Variants in SOX5 observed in about 807,000 individuals in gnomAD.
SOX5 encodes SRY-box transcription factor 5.
SOX5 carries 9 observed loss-of-function variants against 92.0 expected under a neutral mutation model. The ratio of observed to expected loss-of-function variants is 0.10; its 90% CI spans 0.06 to 0.17. SOX5 has a LOEUF of 0.17. Among genes scored for constraint, SOX5 ranks in the 10% least tolerant of loss-of-function variants. The pLI, the probability that SOX5 is intolerant of heterozygous loss-of-function variation, is 1.00. For missense variants in SOX5, 642 were observed against 944.5 expected (o/e 0.68, Z 4.20); for synonymous variants, 344 against 336.3 (o/e 1.02, Z -0.25).
At chr12:23,949,516 A>G in intron 1 of SOX5, 48 bp downstream of exon 1, 1 of 1,609,722 alleles carries the variant, frequency 6.2e-7, no homozygotes, top group Non-Finnish European at 8.5e-7. Flanking sequence ...CTACTGTAAA[A>G]TGGGAGAGTT....
chr12:24,236,215 T>TAAATA (rs571156443), intron 3 of SOX5, among the ~76,000 whole-genome samples: 97 of 151,706 alleles, frequency 6.4e-4, no homozygotes, highest in Non-Finnish European at 9.1e-4. Context: ...AATAAATAGA[T>TAAATA]AAATAAAATA....
intron 1 of SOX5, among the ~76,000 whole-genome samples, chr12:24,380,506 G>A (rs1393923177): frequency 6.6e-6 from 1 of 152,178 alleles, no homozygotes; most frequent in East Asian, 1.9e-4. Context: ...CTTGATGTGT[G>A]TGAAGAAGCA....
At chr12:23,684,366 T>C (rs2087155880) in intron 6 of SOX5, among the ~76,000 whole-genome samples, 1 of 152,038 alleles carries the variant, frequency 6.6e-6, no homozygotes, top group Non-Finnish European at 1.5e-5. Context: ...CCAGACTAGC[T>C]AGCTGCCTGG....
At chr12:24,499,046 G>C (rs758884940) in intron 1 of SOX5, among the ~76,000 whole-genome samples, 2 of 152,112 alleles carry the variant, frequency 1.3e-5, no homozygotes, top group Non-Finnish European at 2.9e-5. Context: ...AATCTACATG[G>C]GCTCATGCTC....
chr12:24,044,737 G>C (rs1172641248), intron 4 of SOX5, among the ~76,000 whole-genome samples: 1 of 152,160 alleles, frequency 6.6e-6, no homozygotes, highest in African/African-American at 2.4e-5. Context: ...AACCTAAAAT[G>C]CATCCCTGAT....
At position 23,755,489 on chromosome 12, in the gene SOX5, C is replaced by A; in HGVS notation, c.568+149G>T. Reference sequence around the variant, plus strand: ...AAAGAATATAAGAACCCTGCTACATCCTCCTTCAAGATAGAAAGAAGAAAC... The same window carrying A: ...AAAGAATATAAGAACCCTGCTACATACTCCTTCAAGATAGAAAGAAGAAAC... On this transcript the variant is annotated intron_variant, in intron 4 of 14. Transcript: ENST00000451604. 1.2e-5 allele frequency: 7 copies of A among 588,202 alleles called. 1 individual carries two copies. The South Asian group carries it at 1.5e-4, about 13-fold the overall frequency. The allele number at this position is 588,202 out of a possible 1,614,324, so 36.4% of individuals were successfully genotyped here.
intron 4 of SOX5, among the ~76,000 whole-genome samples, chr12:24,132,576 T>A (rs1057022166): frequency 1.3e-5 from 2 of 152,142 alleles, no homozygotes; most frequent in African/African-American, 4.8e-5. Flanking sequence ...AGAAATACAG[T>A]ATCCGTATAC....
intron 3 of SOX5, among the ~76,000 whole-genome samples, chr12:23,767,538 A>G (rs1022632015): frequency 6.6e-6 from 1 of 152,212 alleles, no homozygotes; most frequent in African/African-American, 2.4e-5. Flanking sequence ...CAAATCCTGG[A>G]AAGGGTGGTA....
At chr12:24,095,178 CAG>C (rs139414194) in intron 4 of SOX5, among the ~76,000 whole-genome samples, 90 of 117,004 alleles carry the variant, frequency 7.7e-4, no homozygotes, top group African/African-American at 1.5e-3. Flanking sequence ...GAGACAGAGA[CAG>C]AGAGAGAGAG....
intron 4 of SOX5, among the ~76,000 whole-genome samples, chr12:24,078,972 A>G (rs1942993898): frequency 6.6e-6 from 1 of 151,948 alleles, no homozygotes; most frequent in East Asian, 1.9e-4. Flanking sequence ...TCGTGAAACC[A>G]TCAACTGCCC....
At position 23,981,475 on chromosome 12, in the gene SOX5, T is replaced by G. The variant is rs569273353; in HGVS notation, c.-1-85451A>C. ...TTAAACTTTGTTAAAATATGGATCA[T>G]GTACTCTTTAAGAACTGCCAGGAAT... On this transcript the variant is annotated intron_variant, in intron 4 of 4. Transcript: ENST00000446891. 3.3e-5 allele frequency among the ~76,000 whole-genome samples: 5 copies of G among 152,370 alleles called. No individual in the cohort carries two copies. The East Asian group carries it at 9.6e-4, about 29-fold the overall frequency.
intron 2 of SOX5, among the ~76,000 whole-genome samples, chr12:24,278,252 C>A (rs1329667819): frequency 1.3e-5 from 2 of 152,100 alleles, no homozygotes; most frequent in African/African-American, 2.4e-5. Flanking sequence ...CTGGAGCATG[C>A]CTCGTATAGA....
intron 4 of SOX5, among the ~76,000 whole-genome samples, chr12:24,134,486 T>A (rs1949938081): frequency 6.6e-6 from 1 of 152,224 alleles, no homozygotes; most frequent in Admixed American, 6.5e-5. Context: ...TAAAACCAAC[T>A]TTGTGTGTCT....
intron 6 of SOX5, among the ~76,000 whole-genome samples, chr12:23,726,125 GAGAGAGAGAGAGAGAGAGA>G (rs1567255598): frequency 2.1e-3 from 21 of 10,066 alleles, no homozygotes; most frequent in African/African-American, 0.011. Flanking sequence ...CCCCGAGAGA[GAGAGAGAGAGAGAGAGAGA>G]GAGAGAGAGA....
At chr12:24,539,519 T>C (rs966383668) in intron 1 of SOX5, among the ~76,000 whole-genome samples, 2 of 152,148 alleles carry the variant, frequency 1.3e-5, no homozygotes, top group Non-Finnish European at 2.9e-5. Flanking sequence ...ACCAATGATA[T>C]TCTTAAAATA....
At chr12:24,311,687 C>T (rs1949188901) in intron 2 of SOX5, among the ~76,000 whole-genome samples, 1 of 152,114 alleles carries the variant, frequency 6.6e-6, no homozygotes, top group South Asian at 2.1e-4. Flanking sequence ...TGAAGATCAA[C>T]ATTCATGTTT....
intron 1 of SOX5, among the ~76,000 whole-genome samples, chr12:24,456,520 C>T (rs1193345175): frequency 1.3e-5 from 2 of 152,192 alleles, no homozygotes; most frequent in Admixed American, 6.5e-5. Flanking sequence ...TGCATGTCTA[C>T]TGACTATGCC....
intron 4 of SOX5, among the ~76,000 whole-genome samples, chr12:23,987,209 T>C (rs934470954): frequency 6.6e-6 from 1 of 152,222 alleles, no homozygotes; most frequent in African/African-American, 2.4e-5. Flanking sequence ...ACAACTGCTA[T>C]GCTGAGAATT....
chr12:23,640,453 T>C (rs1469363507), intron 8 of SOX5, among the ~76,000 whole-genome samples: 1 of 152,196 alleles, frequency 6.6e-6, no homozygotes, highest in East Asian at 1.9e-4. Context: ...TTTTGTTAAG[T>C]CGCCTTGCTC....
Sources: gnomAD v4.1 joint callset for allele counts (sites outside exome capture counted in the v4.1 genomes callset) on GRCh38, gnomAD v4.1.1 for gene constraint, MANE v1.5 for transcripts, NCBI Gene and HGNC (gene_info 2026-07-23, HGNC 2026-07-21) for gene names.